The following ZNF37A variants were observed in gnomAD, a reference collection of about 807,000 sequenced individuals.
ZNF37A encodes zinc finger protein 37a (KOX 21).
ZNF37A carries 10 observed loss-of-function variants against 12.3 expected under a neutral mutation model. The observed-to-expected ratio is 0.82, with a 90% CI of 0.50 to 1.38. The LOEUF (loss-of-function observed/expected upper bound fraction) is 1.38, where lower values mean the gene tolerates loss of function less well. Among genes scored for constraint, ZNF37A ranks in the 40% most tolerant of loss-of-function variants. The pLI is 0.00. For missense variants in ZNF37A, 580 were observed against 651.2 expected, an observed-to-expected ratio of 0.89 and a Z score of 1.19; for synonymous variants, 207 against 223.0, an observed-to-expected ratio of 0.93 and a Z score of 0.64.
At chr10:38,097,630 A>T (rs1312149871) in intron 5 of ZNF37A, among the ~76,000 whole-genome samples, 1 of 137,348 alleles carries the variant, frequency 7.3e-6, no homozygotes. Flanking sequence ...TGAATTGTGT[A>T]GCATTAGGAC....
At chr10:38,101,364 T>C (rs930812548) in intron 5 of ZNF37A, among the ~76,000 whole-genome samples, 3 of 146,830 alleles carry the variant, frequency 2.0e-5, no homozygotes, top group Non-Finnish European at 4.5e-5. Flanking sequence ...TTTTTTTTTT[T>C]AGTTTTGTTT....
downstream of ZNF37A, among the ~76,000 whole-genome samples, chr10:38,127,008 T>TA (rs1202571112): frequency 6.6e-6 from 1 of 152,220 alleles, no homozygotes; most frequent in Non-Finnish European, 1.5e-5. Flanking sequence ...TATTCTCTAA[T>TA]AAAGATGCAC....
At chr10:38,128,011 ATAGT>A (rs140207326), downstream of ZNF37A, among the ~76,000 whole-genome samples, 1,736 of 152,284 alleles carry the variant, frequency 0.011, 27 homozygotes, top group African/African-American at 0.038. Flanking sequence ...ATCTAATGTA[ATAGT>A]TAGGGGATGT....
At position 38,096,606 on chromosome 10, in the gene ZNF37A, C is replaced by T. The variant is rs1221879587; in HGVS notation, c.-12C>T. 1.2e-6 allele frequency: 2 copies of T among 1,612,428 alleles called. No individual in the cohort carries two copies. Among genetic ancestry groups the T allele is most frequent in the Middle Eastern group, 1.7e-4 (1 of 6,060 alleles). On this transcript the variant is annotated 5_prime_UTR_variant, in exon 5 of 8. Transcript: ENST00000685332. ...CTCACAGTTTGCTCTGCTCTTCCAA[C>T]ACCAGTGGAAGATGATCACATCCCA...
chr10:38,110,318 C>T (rs1006160338), intron 5 of ZNF37A, among the ~76,000 whole-genome samples: 1 of 152,110 alleles, frequency 6.6e-6, no homozygotes, highest in Admixed American at 6.5e-5. Context: ...TTCCTTACAC[C>T]TTATACAAAA....
exon 8 of ZNF37A, chr10:38,149,155 CTA>C (rs2070294525): frequency 6.6e-6 from 1 of 152,130 alleles, no homozygotes; most frequent in Non-Finnish European, 1.5e-5. Context: ...CTTCAATATT[CTA>C]ACACAAAATG....
intron 7 of ZNF37A, among the ~76,000 whole-genome samples, chr10:38,116,789 C>G (rs2069302415): frequency 6.6e-6 from 1 of 152,076 alleles, no homozygotes; most frequent in African/African-American, 2.4e-5. Context: ...TTGTTGCATA[C>G]TTTTATTTCT....
intron 7 of ZNF37A, chr10:38,115,695 A>G (rs1396014490): frequency 6.6e-6 from 1 of 152,606 alleles, no homozygotes; most frequent in Admixed American, 6.5e-5. Flanking sequence ...TTTTCTATAC[A>G]TGCTTTTTTG....
rs2069508606 is a variant in ZNF37A at position 38,118,792 on chromosome 10, G to A, written c.1641G>A (p.Gly547=). 1 of 1,603,996 alleles carries A rather than the reference G, an allele frequency of 6.2e-7. No homozygotes were observed. The highest frequency in any genetic ancestry group is 1.1e-5 in the South Asian group (1 of 89,254). ...KLTVHQRIHL[G]RNPINVVNEG... ...CTGTACATCAGAGAATACACTTGGG[G>A]AGAAACCCTATAAATGTAGTAAACG... The change falls in exon 8 of 8, where the codon GGG becomes GGA. Residue 547 remains glycine (G), a synonymous_variant. Transcript: ENST00000685332.
chr10:38,115,115 G>A lies in ZNF37A; in HGVS notation c.143-80G>A, dbSNP rs1176363093. ...TGTGTGTGTGTGTGTGTGTGTGTGTGTACTGTTTGGGGTATACTGTCTTCC... is the reference window on the plus strand; with the variant it reads ...TGTGTGTGTGTGTGTGTGTGTGTGTATACTGTTTGGGGTATACTGTCTTCC... On this transcript the variant is annotated intron_variant, in intron 6 of 7. Coordinates refer to ENST00000685332, the MANE Select transcript of ZNF37A (RefSeq NM_001324250.3). 1.0e-5 allele frequency: 11 copies of A among 1,054,022 alleles called. No individual in the cohort carries two copies. The African/African-American group carries it at 1.9e-4, about 19-fold the overall frequency. 65.3% of individuals were successfully genotyped at this position (1,054,022 alleles called of 1,614,324 possible). A position where few individuals can be genotyped will look rare whatever the true frequency, so the allele number is the denominator to read the frequency against.
At chr10:38,112,046 C>T (rs1299858567) in intron 5 of ZNF37A, among the ~76,000 whole-genome samples, 3 of 150,498 alleles carry the variant, frequency 2.0e-5, no homozygotes, top group African/African-American at 7.3e-5. Context: ...CATGTGTGGT[C>T]ACTGAATTCT....
exon 8 of ZNF37A, chr10:38,149,689 C>T (rs1211563138): frequency 6.6e-6 from 1 of 151,390 alleles, no homozygotes; most frequent in South Asian, 2.1e-4. Context: ...ATTCTCCTGC[C>T]TCAGCCTCCC....
At position 38,095,244 on chromosome 10, in the gene ZNF37A, G is replaced by A. The variant is rs1187131929; in HGVS notation, c.-198+20G>A. ...TGTGGGGTAAGAAGGGAAGGGTGGG[G>A]GGCGAGGGCCCAGGGGCCCTCCTAG... On this transcript the variant is annotated intron_variant, in intron 2 of 7. Coordinates refer to ENST00000685332, the MANE Select transcript of ZNF37A (RefSeq NM_001324250.3). 1 of 152,404 alleles carries A rather than the reference G, an allele frequency of 6.6e-6. No homozygotes were observed. Among genetic ancestry groups the A allele is most frequent in the Non-Finnish European group, 1.5e-5 (1 of 68,190 alleles). The allele number at this position is 152,404 out of a possible 1,614,324, so 9.4% of individuals were successfully genotyped here. A position where few individuals can be genotyped will look rare whatever the true frequency, so the allele number is the denominator to read the frequency against.
At chr10:38,105,972 A>T (rs1300140248) in intron 5 of ZNF37A, among the ~76,000 whole-genome samples, 6 of 150,208 alleles carry the variant, frequency 4.0e-5, no homozygotes, top group African/African-American at 7.3e-5. Context: ...AATGTCTTTT[A>T]TTTTTTTTTT....
At chr10:38,115,424 C>T (rs962010810) in intron 7 of ZNF37A, 134 bp downstream of exon 7, 18 of 1,314,078 alleles carry the variant, frequency 1.4e-5, no homozygotes, top group Admixed American at 3.0e-5. Flanking sequence ...AACATGTTGA[C>T]GTGACCCAAA....
At chr10:38,145,636 G>A (rs1042412310) in intron 7 of ZNF37A, among the ~76,000 whole-genome samples, 5 of 152,152 alleles carry the variant, frequency 3.3e-5, no homozygotes, top group Admixed American at 6.5e-5. Flanking sequence ...GGGTCACTGC[G>A]CAGCGGAAAA....
chr10:38,097,643 A>T (rs2067260293), intron 5 of ZNF37A, among the ~76,000 whole-genome samples: 1 of 124,802 alleles, frequency 8.0e-6, no homozygotes, highest in Non-Finnish European at 1.7e-5. Flanking sequence ...ATTAGGACTT[A>T]TGGTTGTTTA....
At chr10:38,148,362 C>A (rs1454491740) in exon 8 of ZNF37A, 1 of 152,234 alleles carries the variant, frequency 6.6e-6, no homozygotes, top group Non-Finnish European at 1.5e-5. Flanking sequence ...ACTGTCCAAT[C>A]CCCTCCCAGA....
In ZNF37A at chr10:38,095,229, G is replaced by A. The variant is rs1268324276; in HGVS notation, c.-198+5G>A. ...GAGCAAAGCAGCTGTTGTGGGGTAA[G>A]AAGGGAAGGGTGGGGGGCGAGGGCC... On this transcript the variant is annotated splice_donor_5th_base_variant and intron_variant, in intron 2 of 7. Coordinates refer to ENST00000685332, the MANE Select transcript of ZNF37A (RefSeq NM_001324250.3). The A allele has an allele frequency of 6.6e-6, 1 of 152,416 alleles. No homozygotes were observed. The highest frequency in any genetic ancestry group is 6.5e-5 in the Admixed American group (1 of 15,284). The allele number at this position is 152,416 out of a possible 1,614,324, so 9.4% of individuals were successfully genotyped here. A position where few individuals can be genotyped will look rare whatever the true frequency, so the allele number is the denominator to read the frequency against.
Sources: allele counts gnomAD v4.1 joint callset (sites outside exome capture counted in the v4.1 genomes callset), GRCh38; gene constraint gnomAD v4.1.1; transcripts MANE v1.5; gene names NCBI Gene and HGNC (gene_info 2026-07-23, HGNC 2026-07-21).